The following SLC25A40 variants were observed in gnomAD, a reference collection of about 807,000 sequenced individuals.
The protein encoded by SLC25A40 is solute carrier family 25 member 40, also known as mitochondrial glutathione transporter SLC25A40.
SLC25A40 carries 41 observed loss-of-function variants against 46.5 expected under a neutral mutation model. The ratio of observed to expected loss-of-function variants is 0.88; its 90% CI spans 0.69 to 1.14. The LOEUF (loss-of-function observed/expected upper bound fraction) is 1.14, where lower values mean the gene tolerates loss of function less well. SLC25A40 is among the 50% of genes most tolerant of loss of function. SLC25A40 has a pLI of 0.00. For missense variants in SLC25A40, 386 were observed against 393.6 expected (o/e 0.98, Z 0.16); for synonymous variants, 126 against 127.5 (o/e 0.99, Z 0.08).
chr7:87,841,799 T>C (rs1838340437), intron 9 of SLC25A40, 85 bp from the exon 10 acceptor site: 4 of 695,738 alleles, frequency 5.7e-6, no homozygotes, highest in Non-Finnish European at 8.6e-6. Flanking sequence ...TAGTATATTA[T>C]TTAAGGATAA....
chr7:87,848,523 A>G (rs1205306934), intron 6 of SLC25A40, among the ~76,000 whole-genome samples: 23 of 152,222 alleles, frequency 1.5e-4, no homozygotes. Flanking sequence ...AATTACCATA[A>G]CATCAGAATC....
At chr7:87,875,973 G>T (rs1423343510) in intron 1 of SLC25A40, 123 bp downstream of exon 1, 1 of 152,332 alleles carries the variant, frequency 6.6e-6, no homozygotes, top group Non-Finnish European at 1.5e-5. Context: ...GGCTGCGGCT[G>T]CCGCCGCTGT....
At chr7:87,851,985 T>TTATACTA in intron 5 of SLC25A40, among the ~76,000 whole-genome samples, 1 of 152,222 alleles carries the variant, frequency 6.6e-6, no homozygotes, top group Admixed American at 6.5e-5. Flanking sequence ...TGCATTATAA[T>TTATACTA]AGTTAAACTA....
intron 1 of SLC25A40, among the ~76,000 whole-genome samples, chr7:87,869,847 G>A (rs951517637): frequency 6.6e-6 from 1 of 152,148 alleles, no homozygotes; most frequent in Non-Finnish European, 1.5e-5. Context: ...AATGGTAAAT[G>A]TATGTTTAAC....
Position 87,840,564 on chromosome 7 carries a change from T to C in SLC25A40, c.823+1069A>G, listed in dbSNP as rs536928337. 4.0e-5 allele frequency among the ~76,000 whole-genome samples: 6 copies of C among 151,886 alleles called. No individual in the cohort carries two copies. In the South Asian group the frequency reaches 1.0e-3, roughly 26 times the overall value. The stretch of plus-strand genomic sequence containing the variant: ...AAAAGAAATTGGTGAAATCCTACTA[T>C]GTTAAATATTATACTTAAGAGGGGA... On this transcript the variant is annotated intron_variant, in intron 10 of 11. Transcript: ENST00000341119.
intron 1 of SLC25A40, among the ~76,000 whole-genome samples, chr7:87,865,802 C>A (rs568337842): frequency 6.6e-6 from 1 of 152,208 alleles, no homozygotes; most frequent in Non-Finnish European, 1.5e-5. Flanking sequence ...TTCTTGGGGA[C>A]TGTGCACAGT....
In SLC25A40 at chr7:87,847,138, T is replaced by TA. The variant is rs762102404; in HGVS notation, c.458-17dup. 192 of 1,549,802 alleles carry TA rather than the reference T, an allele frequency of 1.2e-4. No individual in the cohort carries two copies. Among genetic ancestry groups the TA allele is most frequent in the Non-Finnish European group, 1.5e-4 (172 of 1,148,308 alleles). ...ACTGCACCAACTAATACAAACAAGT[T>TA]AAAAAAAAGAAAACAAAAATAAAGC... On this transcript the variant is annotated splice_polypyrimidine_tract_variant and intron_variant, in intron 7 of 11. Transcript: ENST00000341119.
intron 1 of SLC25A40, among the ~76,000 whole-genome samples, chr7:87,872,668 A>C (rs1451674561): frequency 6.6e-5 from 10 of 152,200 alleles, no homozygotes; most frequent in African/African-American, 2.4e-4. Context: ...CAAGATAAAC[A>C]AATTAAATGC....
intron 1 of SLC25A40, among the ~76,000 whole-genome samples, chr7:87,865,667 G>C (rs1187561464): frequency 6.6e-6 from 1 of 152,146 alleles, no homozygotes; most frequent in South Asian, 2.1e-4. Context: ...AGCTACTCAG[G>C]AGGCTGAGGC....
chr7:87,856,065 A>C (rs903639342), intron 4 of SLC25A40, among the ~76,000 whole-genome samples: 1 of 152,154 alleles, frequency 6.6e-6, no homozygotes, highest in Non-Finnish European at 1.5e-5. Flanking sequence ...ATACAAATAC[A>C]TAACCATCCT....
Position 87,841,622 on chromosome 7 carries a change from A to AGTT in SLC25A40, c.823+10_823+11insAAC. On this transcript the variant is annotated intron_variant, in intron 10 of 11. Transcript: ENST00000341119. ...GGCATCTTAAAAATATTTTAAATTAATTAAACTTACTTTTATGACTTTCAT... is the reference window on the plus strand; with the variant it reads ...GGCATCTTAAAAATATTTTAAATTAAGTTTTAAACTTACTTTTATGACTTTCAT... 1 of 1,444,336 alleles carries AGTT rather than the reference A, an allele frequency of 6.9e-7. No homozygotes were observed. The highest frequency in any genetic ancestry group is 1.5e-5 in the South Asian group (1 of 67,448). 89.5% of individuals were successfully genotyped at this position (1,444,336 alleles called of 1,614,324 possible). A position where few individuals can be genotyped will look rare whatever the true frequency, so the allele number is the denominator to read the frequency against.
intron 5 of SLC25A40, among the ~76,000 whole-genome samples, chr7:87,850,487 CTGTT>C (rs1433367104): frequency 1.3e-5 from 2 of 152,100 alleles, no homozygotes; most frequent in East Asian, 3.8e-4. Context: ...ACACGAAAAA[CTGTT>C]TGGCTGCATG....
rs1838240228 is a variant in SLC25A40, at chr7:87,835,296, T to G, written c.*953A>C. The stretch of plus-strand genomic sequence containing the variant: ...TGTTTAGCCTCTTACTCTACCATAC[T>G]TAGAGTAAAAATCAAAGGATATTTT... On this transcript the variant is annotated 3_prime_UTR_variant, in exon 12 of 12. Coordinates refer to ENST00000341119, the MANE Select transcript of SLC25A40 (RefSeq NM_018843.4). The G allele has an allele frequency of 6.6e-6, 1 of 151,632 alleles. No homozygotes were observed. Among genetic ancestry groups the G allele is most frequent in the Admixed American group, 6.6e-5 (1 of 15,148 alleles). The allele number at this position is 151,632 out of a possible 1,614,324, so 9.4% of individuals were successfully genotyped here. A position where few individuals can be genotyped will look rare whatever the true frequency, so the allele number is the denominator to read the frequency against.
chr7:87,867,381 C>T (rs1307110146), intron 1 of SLC25A40, among the ~76,000 whole-genome samples: 1 of 152,116 alleles, frequency 6.6e-6, no homozygotes, highest in Non-Finnish European at 1.5e-5. Flanking sequence ...TTCTGCTGTT[C>T]ACAGTATCTA....
In SLC25A40 at chr7:87,849,582, T is replaced by C. The variant is rs555350030; in HGVS notation, c.332+299A>G. Among the ~76,000 whole-genome samples the C allele has an allele frequency of 8.5e-5, 13 of 152,342 alleles. 1 individual carries two copies. Among genetic ancestry groups the C allele is most frequent in the African/African-American group, 3.1e-4 (13 of 41,578 alleles). On this transcript the variant is annotated intron_variant, in intron 6 of 11. Transcript: ENST00000341119. ...GATAAGCACATCCTGTGCAATGCCA[T>C]AAGGGAGGACTTTGGAAGCCTATTT...
intron 5 of SLC25A40, among the ~76,000 whole-genome samples, chr7:87,850,495 C>G (rs973540151): frequency 6.6e-6 from 1 of 152,152 alleles, no homozygotes; most frequent in Non-Finnish European, 1.5e-5. Flanking sequence ...AACTGTTTGG[C>G]TGCATGCAGT....
At chr7:87,837,753 A>G (rs1562740812) in intron 10 of SLC25A40, among the ~76,000 whole-genome samples, 1 of 151,254 alleles carries the variant, frequency 6.6e-6, no homozygotes, top group African/African-American at 2.4e-5. Context: ...ACTACCATGT[A>G]AACAACATGA....
intron 10 of SLC25A40, among the ~76,000 whole-genome samples, chr7:87,839,362 T>C (rs977380330): frequency 6.8e-6 from 1 of 146,822 alleles, no homozygotes; most frequent in Non-Finnish European, 1.5e-5. Flanking sequence ...CAACGTACTA[T>C]TTATTAAATC....
At position 87,843,831 on chromosome 7, in the gene SLC25A40, T is replaced by C. The variant is rs758719338; in HGVS notation, c.664A>G (p.Lys222Glu). Residue 222 changes from lysine (K) to glutamate (E), a missense_variant, in exon 9 of 12, where the codon AAG becomes GAG. Lys to Glu is a moderately conservative substitution (Grantham distance 56). Coordinates refer to ENST00000341119, the MANE Select transcript of SLC25A40 (RefSeq NM_018843.4). Reference sequence around the variant, plus strand: ...AAACCAGATTTCTCACATAACCACTTCTTTAAAATTTCATAGTTATACCAG... The same window carrying C: ...AAACCAGATTTCTCACATAACCACTCCTTTAAAATTTCATAGTTATACCAG... ...MYWYNYEILKKWLCEKSGLYE... is the reference protein window; with the variant it reads ...MYWYNYEILKEWLCEKSGLYE... 6.2e-7 allele frequency: 1 copy of C among 1,609,388 alleles called. No individual in the cohort carries two copies. Among genetic ancestry groups the C allele is most frequent in the East Asian group, 2.2e-5 (1 of 44,664 alleles).
Sources: gnomAD v4.1 joint callset for allele counts (sites outside exome capture counted in the v4.1 genomes callset) on GRCh38, gnomAD v4.1.1 for gene constraint, MANE v1.5 for transcripts, NCBI Gene and HGNC (gene_info 2026-07-23, HGNC 2026-07-21) for gene names.